Variants in PGBD5 observed in about 807,000 individuals in gnomAD.
PGBD5 encodes the protein piggyBac transposable element-derived protein 5.
Under a neutral mutation model 47.9 loss-of-function variants are expected in PGBD5, and 14 were observed. The ratio of observed to expected loss-of-function variants is 0.29; its 90% CI spans 0.19 to 0.46. The LOEUF (loss-of-function observed/expected upper bound fraction) is 0.46, where lower values mean the gene tolerates loss of function less well. Ranked by LOEUF, PGBD5 falls within the 20% of genes least tolerant of loss-of-function variation. The pLI is 1.00. For missense variants in PGBD5, 635 were observed against 716.0 expected, an observed-to-expected ratio of 0.89 and a Z score of 1.29; for synonymous variants, 316 against 306.3, an observed-to-expected ratio of 1.03 and a Z score of -0.33.
intron 5 of PGBD5, among the ~76,000 whole-genome samples, chr1:230,329,222 CA>C (rs1667176650): frequency 6.6e-6 from 1 of 152,056 alleles, no homozygotes; most frequent in Non-Finnish European, 1.5e-5. Context: ...ACTTGGCCTC[CA>C]AAAGTGCTGG....
intron 1 of PGBD5, among the ~76,000 whole-genome samples, chr1:230,419,137 G>A (rs759619621): frequency 2.6e-5 from 4 of 152,172 alleles, no homozygotes; most frequent in Admixed American, 1.3e-4. Flanking sequence ...ATTGACAATA[G>A]CAAAGACACA....
At chr1:230,358,591 G>GT (rs1667694978) in intron 1 of PGBD5, among the ~76,000 whole-genome samples, 1 of 149,622 alleles carries the variant, frequency 6.7e-6, no homozygotes. Context: ...ACACCTCCCC[G>GT]CCCCCCCACA....
At chr1:230,366,878 G>C (rs1255549314) in intron 1 of PGBD5, among the ~76,000 whole-genome samples, 1 of 152,148 alleles carries the variant, frequency 6.6e-6, no homozygotes, top group African/African-American at 2.4e-5. Context: ...AGCCGCCGTA[G>C]CCACCACAGT....
At chr1:230,348,709 G>A (rs1386912404) in intron 3 of PGBD5, among the ~76,000 whole-genome samples, 1 of 152,230 alleles carries the variant, frequency 6.6e-6, no homozygotes, top group Non-Finnish European at 1.5e-5. Flanking sequence ...TACGTCTCCT[G>A]GCCCCTCACA....
chr1:230,331,266 A>G (rs2102814339), intron 5 of PGBD5, among the ~76,000 whole-genome samples: 2 of 152,096 alleles, frequency 1.3e-5, no homozygotes, highest in South Asian at 4.2e-4. Context: ...ACAAAAAAAC[A>G]TTAGCCGGGC....
intron 1 of PGBD5, among the ~76,000 whole-genome samples, chr1:230,398,599 G>C (rs556035733): frequency 6.6e-6 from 1 of 152,332 alleles, no homozygotes; most frequent in Non-Finnish European, 1.5e-5. Context: ...AGCAGAACTA[G>C]ACAGAACTAG....
Position 230,332,422 on chromosome 1 carries a change from C to A in PGBD5, c.1273+422G>T, listed in dbSNP as rs568209399. On this transcript the variant is annotated intron_variant, in intron 5 of 6. Transcript: ENST00000391860. The stretch of plus-strand genomic sequence containing the variant: ...AATCAATGAAGAAATCAGGGAACAG[C>A]GGATGAACCAGACAGCGCATATGCT... Among the ~76,000 whole-genome samples, 277 of 152,294 alleles carry A rather than the reference C, an allele frequency of 1.8e-3. 1 individual carries two copies. The highest frequency in any genetic ancestry group is 2.3e-3 in the Non-Finnish European group (154 of 68,032).
At chr1:230,424,500 G>A (rs1322584281) in intron 1 of PGBD5, among the ~76,000 whole-genome samples, 1 of 152,224 alleles carries the variant, frequency 6.6e-6, no homozygotes, top group African/African-American at 2.4e-5. Context: ...CCTCCCAGCA[G>A]GCTGCAGCAT....
chr1:230,325,256 C>T lies in PGBD5; in HGVS notation c.1379+54G>A, dbSNP rs1571821205. 13 of 1,314,788 alleles carry T rather than the reference C, an allele frequency of 9.9e-6. No homozygotes were observed. The East Asian group carries it at 1.6e-4, about 17-fold the overall frequency. 81.4% of individuals were successfully genotyped at this position (1,314,788 alleles called of 1,614,324 possible). On this transcript the variant is annotated intron_variant, in intron 6 of 6. Coordinates refer to ENST00000391860, the MANE Select transcript of PGBD5 (RefSeq NM_001258311.2). ...TGATCATCTGCCATTACATCTCTTC[C>T]GAGACGGCACAACTATGAGAGCCCT...
In PGBD5 at chr1:230,351,231, AC is replaced by A. The variant is rs1272332842; in HGVS notation, c.760-140del. 4.3e-6 allele frequency: 4 copies of A among 927,766 alleles called. No individual in the cohort carries two copies. In the South Asian group the frequency reaches 8.7e-5, roughly 20 times the overall value. The allele number at this position is 927,766 out of a possible 1,614,324, so 57.5% of individuals were successfully genotyped here. A position where few individuals can be genotyped will look rare whatever the true frequency, so the allele number is the denominator to read the frequency against. Reference sequence around the variant, plus strand: ...AAGTTACTTTACCTCTCTGATCCTGACCCTTCTTATCTATAGGAGGGTGGTA... The same window carrying A: ...AAGTTACTTTACCTCTCTGATCCTGACCTTCTTATCTATAGGAGGGTGGTA... On this transcript the variant is annotated intron_variant, in intron 2 of 6. Coordinates refer to ENST00000391860, the MANE Select transcript of PGBD5 (RefSeq NM_001258311.2).
At chr1:230,369,964 GAAAT>G (rs1667901627) in intron 1 of PGBD5, among the ~76,000 whole-genome samples, 1 of 152,212 alleles carries the variant, frequency 6.6e-6, no homozygotes, top group Non-Finnish European at 1.5e-5. Flanking sequence ...GGAAAGGAGA[GAAAT>G]AATGCACCCC....
At chr1:230,374,095 G>T (rs986811046) in intron 1 of PGBD5, among the ~76,000 whole-genome samples, 3 of 152,172 alleles carry the variant, frequency 2.0e-5, no homozygotes, top group African/African-American at 7.2e-5. Context: ...TACATTAAAA[G>T]GAATGTTCTT....
intron 5 of PGBD5, among the ~76,000 whole-genome samples, chr1:230,326,227 G>A (rs1044589203): frequency 6.6e-6 from 1 of 152,204 alleles, no homozygotes; most frequent in Non-Finnish European, 1.5e-5. Context: ...AGATTAGCCT[G>A]GCCAACATGG....
intron 6 of PGBD5, 44 bp downstream of exon 6, chr1:230,325,266 C>T: frequency 7.1e-7 from 1 of 1,407,564 alleles, no homozygotes; most frequent in Non-Finnish European, 1.0e-6. Flanking sequence ...CGAGACGGCA[C>T]AACTATGAGA....
At chr1:230,414,247 T>C (rs1369392788) in intron 1 of PGBD5, among the ~76,000 whole-genome samples, 1 of 152,160 alleles carries the variant, frequency 6.6e-6, no homozygotes, top group Non-Finnish European at 1.5e-5. Flanking sequence ...AGTGTCTGTG[T>C]GTCTCCAAAG....
At chr1:230,345,817 G>A (rs2102697480) in intron 3 of PGBD5, among the ~76,000 whole-genome samples, 1 of 152,282 alleles carries the variant, frequency 6.6e-6, no homozygotes, top group East Asian at 1.9e-4. Flanking sequence ...CCAGCTGCAG[G>A]CTAATGTAAG....
intron 1 of PGBD5, chr1:230,362,243 G>A: frequency 7.4e-7 from 1 of 1,360,012 alleles, no homozygotes; most frequent in Non-Finnish European, 9.8e-7. Flanking sequence ...GACCTGGCTG[G>A]GATTTAGCTT....
chr1:230,419,693 C>T (rs1240628256), intron 1 of PGBD5, among the ~76,000 whole-genome samples: 2 of 152,196 alleles, frequency 1.3e-5, no homozygotes, highest in Non-Finnish European at 2.9e-5. Context: ...TGGGGTACTG[C>T]TGGCAAAGGC....
intron 4 of PGBD5, among the ~76,000 whole-genome samples, chr1:230,334,807 T>C (rs573271009): frequency 6.6e-6 from 1 of 152,330 alleles, no homozygotes; most frequent in African/African-American, 2.4e-5. Flanking sequence ...TTACCTAACC[T>C]TCTCTTGAAA....
Sources: gnomAD v4.1 joint callset for allele counts (sites outside exome capture counted in the v4.1 genomes callset) on GRCh38, gnomAD v4.1.1 for gene constraint, MANE v1.5 for transcripts, NCBI Gene and HGNC (gene_info 2026-07-23, HGNC 2026-07-21) for gene names.